HDAC9: variants seen among roughly 807,000 people sequenced by gnomAD.
The protein encoded by HDAC9 is histone deacetylase 9, also known as MEF-2 interacting transcription repressor (MITR) protein.
A neutral mutation model predicts 139.4 loss-of-function variants in HDAC9; 41 were observed. The observed-to-expected ratio is 0.29, with a 90% CI of 0.23 to 0.38. HDAC9 has a LOEUF of 0.38. Among genes scored for constraint, HDAC9 ranks in the 10% least tolerant of loss-of-function variants. The pLI is 1.00. For missense variants in HDAC9, 1,147 were observed against 1,297.0 expected, an observed-to-expected ratio of 0.88 and a Z score of 1.78; for synonymous variants, 517 against 476.2, an observed-to-expected ratio of 1.09 and a Z score of -1.12.
rs1786458507 is a variant in HDAC9 at position 18,996,282 on chromosome 7, T to TA, written c.*221dup. 2 of 461,828 alleles carry TA rather than the reference T, an allele frequency of 4.3e-6. No individual in the cohort carries two copies. Among genetic ancestry groups the TA allele is most frequent in the South Asian group, 5.1e-5 (2 of 39,368 alleles). The allele number at this position is 461,828 out of a possible 1,614,324, so 28.6% of individuals were successfully genotyped here. Reference sequence around the variant, plus strand: ...AACGTAACCGCTGTGATTCTAGAGTTACAGTAAACCACGATTGGAAGAAAC... The same window carrying TA: ...AACGTAACCGCTGTGATTCTAGAGTTAACAGTAAACCACGATTGGAAGAAAC... On this transcript the variant is annotated 3_prime_UTR_variant, in exon 26 of 26. Transcript: ENST00000686413.
At chr7:18,148,747 A>C (rs1258566431) in intron 1 of HDAC9, among the ~76,000 whole-genome samples, 3 of 152,312 alleles carry the variant, frequency 2.0e-5, no homozygotes, top group African/African-American at 7.2e-5. Context: ...GGTGTGAGCC[A>C]CCACATCTGG....
chr7:18,225,510 CATA>C (rs1792996614), intron 2 of HDAC9, among the ~76,000 whole-genome samples: 1 of 152,096 alleles, frequency 6.6e-6, no homozygotes, highest in Non-Finnish European at 1.5e-5. Flanking sequence ...GCAGTAGCAT[CATA>C]ATTCTCAAAT....
intron 1 of HDAC9, among the ~76,000 whole-genome samples, chr7:18,354,627 A>T (rs1299759143): frequency 6.6e-6 from 1 of 152,166 alleles, no homozygotes; most frequent in Non-Finnish European, 1.5e-5. Context: ...GAGAAAAAGG[A>T]ACTTAAAAAT....
At chr7:18,901,780 G>C (rs1355419427) in intron 22 of HDAC9, among the ~76,000 whole-genome samples, 3 of 152,020 alleles carry the variant, frequency 2.0e-5, no homozygotes, top group African/African-American at 7.2e-5. Flanking sequence ...CCATATATCA[G>C]TCCAGTATTT....
At chr7:18,279,598 T>C (rs1796965901) in intron 2 of HDAC9, among the ~76,000 whole-genome samples, 1 of 152,004 alleles carries the variant, frequency 6.6e-6, no homozygotes, top group African/African-American at 2.4e-5. Flanking sequence ...CCTGAGTAGC[T>C]GGGACTACAG....
intron 1 of HDAC9, among the ~76,000 whole-genome samples, chr7:18,484,173 C>CA (rs1177599086): frequency 0.055 from 3,492 of 62,948 alleles, 95 homozygotes; most frequent in African/African-American, 0.1. Flanking sequence ...CCTTATCTCT[C>CA]AAAAAAAAAA....
At chr7:18,363,630 T>C (rs1783952254) in intron 1 of HDAC9, among the ~76,000 whole-genome samples, 1 of 152,098 alleles carries the variant, frequency 6.6e-6, no homozygotes, top group South Asian at 2.1e-4. Context: ...ATCTGCTTCC[T>C]ATTTACAAAA....
intron 24 of HDAC9, among the ~76,000 whole-genome samples, chr7:18,956,517 A>G (rs907835020): frequency 3.3e-5 from 5 of 152,110 alleles, no homozygotes; most frequent in Non-Finnish European, 7.4e-5. Context: ...TTGAGTAGGT[A>G]GGACTTGAAT....
At chr7:18,183,186 T>C (rs1036942195) in intron 2 of HDAC9, among the ~76,000 whole-genome samples, 14 of 152,098 alleles carry the variant, frequency 9.2e-5, no homozygotes, top group Non-Finnish European at 1.8e-4. Context: ...ATTTTTTGTA[T>C]TTTTAGTAGA....
rs76339716 is a variant in HDAC9, at chr7:18,116,117, T to G, written c.-97+28904T>G. Among the ~76,000 whole-genome samples the G allele has an allele frequency of 9.5e-3, 1,441 of 152,332 alleles. 35 individuals carry two copies. The highest frequency in any genetic ancestry group is 0.092 in the South Asian group (445 of 4,832). On this transcript the variant is annotated intron_variant, in intron 1 of 12. Transcript: ENST00000417496. The stretch of plus-strand genomic sequence containing the variant: ...TAATTTTCCTGTGTTAGATCAAATT[T>G]GCTAGCAATTTTCGTGGTGTATGTT...
chr7:18,586,472 T>A (rs745333569), intron 3 of HDAC9, among the ~76,000 whole-genome samples: 2 of 152,114 alleles, frequency 1.3e-5, no homozygotes, highest in Admixed American at 1.3e-4. Flanking sequence ...TCTCATACTT[T>A]ATTGTTTTGT....
intron 2 of HDAC9, among the ~76,000 whole-genome samples, chr7:18,175,101 G>A (rs761596710): frequency 2.6e-5 from 4 of 152,226 alleles, no homozygotes; most frequent in Non-Finnish European, 5.9e-5. Flanking sequence ...CTGAGCTGTG[G>A]TGGGCTCCAC....
intron 2 of HDAC9, among the ~76,000 whole-genome samples, chr7:18,533,677 T>C (rs1392243724): frequency 6.6e-6 from 1 of 152,188 alleles, no homozygotes; most frequent in Non-Finnish European, 1.5e-5. Flanking sequence ...TTCTATGGCC[T>C]CTTTCACCTT....
At chr7:18,244,234 A>T (rs1448458927) in intron 2 of HDAC9, among the ~76,000 whole-genome samples, 1 of 152,178 alleles carries the variant, frequency 6.6e-6, no homozygotes, top group Non-Finnish European at 1.5e-5. Flanking sequence ...TATGCAACAA[A>T]AACTGGAGTT....
At chr7:18,558,700 C>T (rs1172371704) in intron 2 of HDAC9, among the ~76,000 whole-genome samples, 1 of 152,182 alleles carries the variant, frequency 6.6e-6, no homozygotes, top group East Asian at 1.9e-4. Flanking sequence ...TCACTGACCA[C>T]CACTTGAGCA....
chr7:18,508,425 C>G (rs914370933), intron 2 of HDAC9, among the ~76,000 whole-genome samples: 1 of 152,160 alleles, frequency 6.6e-6, no homozygotes, highest in Non-Finnish European at 1.5e-5. Flanking sequence ...GATGGGGAAG[C>G]ATTTAGCAGT....
chr7:18,923,456 T>C (rs536879087), intron 22 of HDAC9, among the ~76,000 whole-genome samples: 71 of 152,166 alleles, frequency 4.7e-4, no homozygotes, highest in Non-Finnish European at 6.6e-4. Context: ...ATAGTGCTTT[T>C]TTATTTATTC....
intron 2 of HDAC9, among the ~76,000 whole-genome samples, chr7:18,201,796 AT>A (rs1406012474): frequency 2.0e-5 from 3 of 152,166 alleles, no homozygotes; most frequent in Non-Finnish European, 4.4e-5. Context: ...TCCTTGTAAG[AT>A]GAGTTATTTT....
intron 1 of HDAC9, among the ~76,000 whole-genome samples, chr7:18,422,885 C>T (rs1270945939): frequency 6.6e-6 from 1 of 152,088 alleles, no homozygotes; most frequent in African/African-American, 2.4e-5. Flanking sequence ...TGCTTCTTTA[C>T]AGTCCTAAGT....
Sources: allele counts gnomAD v4.1 joint callset (sites outside exome capture counted in the v4.1 genomes callset), GRCh38; gene constraint gnomAD v4.1.1; transcripts MANE v1.5; gene names NCBI Gene and HGNC (gene_info 2026-07-23, HGNC 2026-07-21).